The following RBFOX3 variants were observed in gnomAD, a reference collection of about 807,000 sequenced individuals.
The protein encoded by RBFOX3 is RNA binding protein fox-1 homolog 3.
RBFOX3 carries 17 observed loss-of-function variants against 48.7 expected under a neutral mutation model. The observed-to-expected ratio is 0.35, with a 90% CI of 0.24 to 0.52. The LOEUF is 0.52. RBFOX3 is among the 20% of genes least tolerant of loss of function. The probability of loss-of-function intolerance (pLI) is 0.94; values close to 1 mark genes in which losing one functional copy is unlikely to be tolerated. For synonymous variants in RBFOX3, 212 were observed against 209.5 expected (o/e 1.01, Z -0.10); for missense variants, 382 against 497.5 (o/e 0.77, Z 2.21).
chr17:79,229,558 CAAA>C (rs11435725), intron 4 of RBFOX3, among the ~76,000 whole-genome samples: 2 of 50,646 alleles, frequency 3.9e-5, no homozygotes, highest in Admixed American at 2.6e-4. Flanking sequence ...GACTCCATCT[CAAA>C]AAAAAAAAAA....
chr17:79,114,778 C>T (rs1334955755), intron 5 of RBFOX3, among the ~76,000 whole-genome samples: 1 of 151,880 alleles, frequency 6.6e-6, no homozygotes, highest in African/African-American at 2.4e-5. Flanking sequence ...ATGGAGATCT[C>T]AGTGGAGGGG....
At chr17:79,112,475 T>C (rs1274438870) in intron 5 of RBFOX3, among the ~76,000 whole-genome samples, 1 of 152,128 alleles carries the variant, frequency 6.6e-6, no homozygotes, top group Non-Finnish European at 1.5e-5. Flanking sequence ...CAGGAAGGCC[T>C]TTCCGGAGCT....
Position 79,090,674 on chromosome 17 carries a change from C to T in RBFOX3, c.*209G>A, listed in dbSNP as rs548960996. 1.6e-5 allele frequency: 10 copies of T among 617,326 alleles called. No homozygotes were observed. Among genetic ancestry groups the T allele is most frequent in the South Asian group, 1.3e-4 (6 of 46,218 alleles). The allele number at this position is 617,326 out of a possible 1,614,324, so 38.2% of individuals were successfully genotyped here. A position where few individuals can be genotyped will look rare whatever the true frequency, so the allele number is the denominator to read the frequency against. On this transcript the variant is annotated 3_prime_UTR_variant, in exon 15 of 15. Coordinates refer to ENST00000693108, the MANE Select transcript of RBFOX3 (RefSeq NM_001350451.2). Reference sequence around the variant, plus strand: ...CGGTGGGGCCGTCCTGTCCTGGGGCCGCTCCTCGGCGCCCCTGCCGGCGTG... The same window carrying T: ...CGGTGGGGCCGTCCTGTCCTGGGGCTGCTCCTCGGCGCCCCTGCCGGCGTG...
chr17:79,432,698 G>A (rs2068679642), intron 2 of RBFOX3, among the ~76,000 whole-genome samples: 1 of 152,054 alleles, frequency 6.6e-6, no homozygotes, highest in African/African-American at 2.4e-5. Flanking sequence ...AGAAACCAGG[G>A]AGATGCCCTA....
chr17:79,264,139 C>T (rs1377734375), intron 3 of RBFOX3, among the ~76,000 whole-genome samples: 2 of 150,770 alleles, frequency 1.3e-5, no homozygotes, highest in African/African-American at 4.9e-5. Context: ...GTTGCCCAGG[C>T]TGGAGTGCAG....
chr17:79,347,567 A>G (rs2083121811), intron 2 of RBFOX3, among the ~76,000 whole-genome samples: 1 of 151,156 alleles, frequency 6.6e-6, no homozygotes, highest in African/African-American at 2.4e-5. Context: ...GCTTTTCCTT[A>G]TTTTTTTCTT....
At chr17:79,369,960 A>G (rs1472139713) in intron 2 of RBFOX3, among the ~76,000 whole-genome samples, 1 of 152,038 alleles carries the variant, frequency 6.6e-6, no homozygotes, top group Non-Finnish European at 1.5e-5. Flanking sequence ...GCAGGTGCAC[A>G]TTTCTCCTCT....
rs559237751 is a variant in RBFOX3 at position 79,195,912 on chromosome 17, C to T, written c.-34+39854G>A. ...CTCTCCGAGGTAGAAGGAGAGGCCTCGGAAATGCCATTCCAGTGAAACTGG... is the reference window on the plus strand; with the variant it reads ...CTCTCCGAGGTAGAAGGAGAGGCCTTGGAAATGCCATTCCAGTGAAACTGG... On this transcript the variant is annotated intron_variant, in intron 4 of 14. Transcript: ENST00000693108. This position sits in a 1 kb window ranked among gnomAD's most constrained non-coding sequence, Gnocchi z 5.3. Among the ~76,000 whole-genome samples the T allele has an allele frequency of 7.9e-4, 121 of 152,306 alleles. 1 individual carries two copies. Among genetic ancestry groups the T allele is most frequent in the South Asian group, 1.7e-3 (8 of 4,820 alleles).
chr17:79,575,379 G>A (rs1380834549), intron 1 of RBFOX3, among the ~76,000 whole-genome samples: 1 of 152,156 alleles, frequency 6.6e-6, no homozygotes, highest in East Asian at 1.9e-4. Flanking sequence ...GGCCAGGGAA[G>A]ACAAGGTGCT....
chr17:79,302,542 G>A (rs559392129), intron 3 of RBFOX3, among the ~76,000 whole-genome samples: 26 of 152,290 alleles, frequency 1.7e-4, no homozygotes, highest in East Asian at 7.7e-4. Flanking sequence ...TTAGCTGGGC[G>A]TGGTGGCAGT....
At chr17:79,463,700 A>ACTG (rs2075890749) in intron 2 of RBFOX3, among the ~76,000 whole-genome samples, 1 of 117,152 alleles carries the variant, frequency 8.5e-6, no homozygotes, top group South Asian at 3.2e-4. Flanking sequence ...CACTGCCATC[A>ACTG]CCACTGCCAC....
At chr17:79,112,904 C>CGGCG (rs1307784460) in intron 5 of RBFOX3, among the ~76,000 whole-genome samples, 173 of 10,182 alleles carry the variant, frequency 0.017, 1 homozygote, top group Middle Eastern at 0.062. Context: ...AGCAGGCTCT[C>CGGCG]GGGGGGGGGG....
intron 3 of RBFOX3, among the ~76,000 whole-genome samples, chr17:79,288,725 G>A (rs1046216607): frequency 3.9e-5 from 6 of 152,022 alleles, no homozygotes; most frequent in African/African-American, 1.5e-4. Flanking sequence ...ACAGCGACAT[G>A]CTCTCCTGGG....
intron 1 of RBFOX3, among the ~76,000 whole-genome samples, chr17:79,531,401 G>A (rs1257294023): frequency 1.3e-5 from 2 of 152,218 alleles, no homozygotes; most frequent in Non-Finnish European, 2.9e-5. Context: ...GCGGCTAAGT[G>A]TTCTCGGCAT....
chr17:79,657,039 C>T, the RBFOX3 span, among the ~76,000 whole-genome samples: 1 of 152,120 alleles, frequency 6.6e-6, no homozygotes, highest in Non-Finnish European at 1.5e-5. Context: ...ACAGGGTCTC[C>T]ACACAGCAGG....
intron 3 of RBFOX3, among the ~76,000 whole-genome samples, chr17:79,277,917 G>A (rs755050951): frequency 6.6e-6 from 1 of 152,230 alleles, no homozygotes; most frequent in Non-Finnish European, 1.5e-5. Context: ...GTTCTGGAGA[G>A]GGACTTCAGA....
chr17:79,268,977 C>A (rs1487181211), intron 3 of RBFOX3, among the ~76,000 whole-genome samples: 1 of 152,254 alleles, frequency 6.6e-6, no homozygotes, highest in Non-Finnish European at 1.5e-5. Flanking sequence ...CCCCCAAATT[C>A]ATGTCTACCT....
rs942545826 is a variant in RBFOX3 at position 79,212,607 on chromosome 17, T to C, written c.-34+23159A>G. Among the ~76,000 whole-genome samples the C allele has an allele frequency of 2.0e-5, 3 of 152,214 alleles. No individual in the cohort carries two copies. The highest frequency in any genetic ancestry group is 2.9e-5 in the Non-Finnish European group (2 of 68,040). On this transcript the variant is annotated intron_variant, in intron 4 of 14. Coordinates refer to ENST00000693108, the MANE Select transcript of RBFOX3 (RefSeq NM_001350451.2). This position sits in a 1 kb window ranked among gnomAD's most constrained non-coding sequence, Gnocchi z 4.7. ...CTTTCACAAGCAAATTCCCAGAGCC[T>C]GGTTCTTCCCCAGCCCTGGAGGGCC...
At chr17:79,504,237 C>T (rs1218144203) in intron 1 of RBFOX3, among the ~76,000 whole-genome samples, 1 of 152,252 alleles carries the variant, frequency 6.6e-6, no homozygotes, top group African/African-American at 2.4e-5. Context: ...GCAGGAGCCG[C>T]CGTAACAAAG....
Sources: allele counts gnomAD v4.1 joint callset (sites outside exome capture counted in the v4.1 genomes callset), GRCh38; gene constraint gnomAD v4.1.1; non-coding constraint Gnocchi (gnomAD v3.1); transcripts MANE v1.5; gene names NCBI Gene and HGNC (gene_info 2026-07-23, HGNC 2026-07-21).